The following ZNF385D variants were observed in gnomAD, a reference collection of about 807,000 sequenced individuals.
ZNF385D encodes the protein zinc finger protein 385D, also known as zinc finger protein 659.
A neutral mutation model predicts 35.8 loss-of-function variants in ZNF385D; 15 were observed. The observed-to-expected ratio is 0.42, with a 90% CI of 0.28 to 0.64. The LOEUF is 0.64. Among genes scored for constraint, ZNF385D ranks in the 30% least tolerant of loss-of-function variants. The probability of loss-of-function intolerance (pLI) is 0.23; values close to 1 mark genes in which losing one functional copy is unlikely to be tolerated. For missense variants in ZNF385D, 474 were observed against 494.6 expected, an observed-to-expected ratio of 0.96 and a Z score of 0.39; for synonymous variants, 212 against 186.8, an observed-to-expected ratio of 1.13 and a Z score of -1.10.
In ZNF385D at chr3:22,138,817, G is replaced by A. The variant is rs573976265; in HGVS notation, c.325+30000C>T. Among the ~76,000 whole-genome samples the A allele has an allele frequency of 9.3e-4, 141 of 152,144 alleles. No homozygotes were observed. The Middle Eastern group carries it at 0.01, about 11-fold the overall frequency. ...GCAACAAAAGCCAAAATTGACAAAT[G>A]GGATCTAATTAAACTAAAGAGCTTC... On this transcript the variant is annotated intron_variant, in intron 3 of 5. Coordinates refer to the ZNF385D transcript ENST00000494108.
chr3:22,063,277 C>A (rs999502178), intron 3 of ZNF385D, among the ~76,000 whole-genome samples: 4 of 152,082 alleles, frequency 2.6e-5, no homozygotes, highest in African/African-American at 9.7e-5. Flanking sequence ...ATTCCTAGAA[C>A]ATTGTCTGAT....
intron 2 of ZNF385D, among the ~76,000 whole-genome samples, chr3:22,322,952 T>A (rs886610257): frequency 6.6e-6 from 1 of 152,218 alleles, no homozygotes; most frequent in African/African-American, 2.4e-5. Context: ...TATGGCACCT[T>A]AAATGGATTT....
At chr3:21,816,002 C>A (rs2073133988) in intron 3 of ZNF385D, among the ~76,000 whole-genome samples, 1 of 152,166 alleles carries the variant, frequency 6.6e-6, no homozygotes, top group Admixed American at 6.5e-5. Context: ...TGGGCTTCAT[C>A]CCAGGGATGC....
chr3:22,081,572 A>G (rs1527631), intron 3 of ZNF385D, among the ~76,000 whole-genome samples: 118,735 of 152,098 alleles, frequency 0.78, 47,204 homozygotes, highest in Non-Finnish European at 0.84. Context: ...CACACTTCCA[A>G]TAGATAGACT....
chr3:22,356,195 C>A (rs570005884), intron 2 of ZNF385D, among the ~76,000 whole-genome samples: 1 of 152,068 alleles, frequency 6.6e-6, no homozygotes, highest in South Asian at 2.1e-4. Context: ...TACCACACAA[C>A]AATGCATCTA....
chr3:21,454,220 G>C (rs777940257), intron 4 of ZNF385D, among the ~76,000 whole-genome samples: 15 of 152,050 alleles, frequency 9.9e-5, no homozygotes, highest in Non-Finnish European at 1.6e-4. Context: ...GGAATTAAGA[G>C]GTAAAGGTTT....
intron 2 of ZNF385D, among the ~76,000 whole-genome samples, chr3:21,597,873 A>G (rs971947506): frequency 2.0e-5 from 3 of 152,200 alleles, no homozygotes; most frequent in African/African-American, 7.2e-5. Flanking sequence ...AGGCAGTTAA[A>G]TAGGGAAGAA....
At chr3:22,353,126 C>G (rs1695993191) in intron 2 of ZNF385D, among the ~76,000 whole-genome samples, 1 of 152,200 alleles carries the variant, frequency 6.6e-6, no homozygotes, top group South Asian at 2.1e-4. Context: ...CTATTCCTTC[C>G]ACCTCAAGCA....
rs150843761 is a variant in ZNF385D, at chr3:21,587,091, T to C, written c.166-22407A>G. Among the ~76,000 whole-genome samples the C allele has an allele frequency of 3.9e-3, 587 of 152,292 alleles. 5 individuals are homozygous for C. The highest frequency in any genetic ancestry group is 0.013 in the African/African-American group (541 of 41,568). On this transcript the variant is annotated intron_variant, in intron 2 of 7. Coordinates refer to ENST00000281523, the MANE Select transcript of ZNF385D (RefSeq NM_024697.3). ...TGGTATGAATGGAGAATAGTATATC[T>C]GGAAGAGATGAAAGTGGCAAGATAG... is the stretch of plus-strand genomic sequence containing the variant.
intron 2 of ZNF385D, among the ~76,000 whole-genome samples, chr3:21,608,003 C>A (rs1029317085): frequency 3.7e-4 from 35 of 94,680 alleles, no homozygotes; most frequent in African/African-American, 1.3e-3. Context: ...AGATGTAATT[C>A]TTTTTCTTCT....
At position 21,425,583 on chromosome 3, in the gene ZNF385D, G is replaced by C. The variant is rs1235756436; in HGVS notation, c.761C>G (p.Pro254Arg). The change falls in exon 6 of 8, where the codon CCT becomes CGT. Residue 254 changes from proline to arginine, a missense_variant. By Grantham distance (103) the Pro-to-Arg change is moderately radical. Transcript: ENST00000281523. ...GAGGCCTGTGTTTCCTTTATTAACA[G>C]GTCCTTTGCCTTTCACTCCTGCCCT... ...FPRAGVKGKG[P>R]VNKGNTGLQN... The C allele has an allele frequency of 6.2e-7, 1 of 1,610,614 alleles. No homozygotes were observed. The highest frequency in any genetic ancestry group is 8.5e-7 in the Non-Finnish European group (1 of 1,178,344).
intron 3 of ZNF385D, among the ~76,000 whole-genome samples, chr3:22,163,282 A>C (rs777683085): frequency 2.0e-4 from 31 of 152,210 alleles, no homozygotes; most frequent in Non-Finnish European, 3.4e-4. Context: ...CTAGCAGAGC[A>C]TGAATTCAGG....
At chr3:21,683,159 C>T (rs1471736982) in intron 1 of ZNF385D, among the ~76,000 whole-genome samples, 1 of 149,726 alleles carries the variant, frequency 6.7e-6, no homozygotes, top group Non-Finnish European at 1.5e-5. Context: ...GGCCAGAGAA[C>T]ACAAATGATA....
chr3:22,124,197 T>C (rs912664595), intron 3 of ZNF385D, among the ~76,000 whole-genome samples: 5 of 151,990 alleles, frequency 3.3e-5, no homozygotes, highest in Non-Finnish European at 7.4e-5. Flanking sequence ...TTTTTCTGTG[T>C]CTGGATTATT....
At chr3:22,272,421 C>A (rs1401110020) in intron 2 of ZNF385D, among the ~76,000 whole-genome samples, 3 of 151,858 alleles carry the variant, frequency 2.0e-5, no homozygotes, top group Non-Finnish European at 2.9e-5. Flanking sequence ...TAGGACATTA[C>A]CCATAATGAA....
At chr3:21,492,734 A>G (rs1055766794) in intron 4 of ZNF385D, among the ~76,000 whole-genome samples, 1 of 151,614 alleles carries the variant, frequency 6.6e-6, no homozygotes, top group Admixed American at 6.6e-5. Context: ...CAGTGAGCCA[A>G]CATCGTGCCA....
At chr3:21,713,967 A>T (rs1485090338) in intron 1 of ZNF385D, among the ~76,000 whole-genome samples, 2 of 152,072 alleles carry the variant, frequency 1.3e-5, no homozygotes, top group African/African-American at 4.8e-5. Flanking sequence ...CCTGTTCCTG[A>T]TCTTTTCTCT....
intron 3 of ZNF385D, among the ~76,000 whole-genome samples, chr3:21,891,855 A>C (rs77458035): frequency 0.013 from 2,015 of 152,262 alleles, 29 homozygotes; most frequent in Middle Eastern, 0.031. Context: ...CCCCAATTCA[A>C]TAATCCATAG....
At chr3:21,760,681 T>G (rs1464433745) in intron 3 of ZNF385D, among the ~76,000 whole-genome samples, 1 of 152,198 alleles carries the variant, frequency 6.6e-6, no homozygotes, top group South Asian at 2.1e-4. Flanking sequence ...CTTAGTGCAC[T>G]ATCAAGAGCA....
Sources: allele counts gnomAD v4.1 joint callset (sites outside exome capture counted in the v4.1 genomes callset), GRCh38; gene constraint gnomAD v4.1.1; transcripts MANE v1.5; gene names NCBI Gene and HGNC (gene_info 2026-07-23, HGNC 2026-07-21).